The following KCTD3 variants were observed in gnomAD, a reference collection of about 807,000 sequenced individuals.
KCTD3 encodes the protein BTB/POZ domain-containing protein KCTD3.
In KCTD3, 41 loss-of-function variants were observed where a neutral mutation model predicts 85.8. The observed-to-expected ratio is 0.48, with a 90% CI of 0.37 to 0.62. The LOEUF (loss-of-function observed/expected upper bound fraction) is 0.62, where lower values mean the gene tolerates loss of function less well. KCTD3 is among the 20% of genes least tolerant of loss of function. The pLI is 0.00. For missense variants in KCTD3, 724 were observed against 989.9 expected (o/e 0.73, Z 3.60); for synonymous variants, 338 against 345.4 (o/e 0.98, Z 0.24).
chr1:215,567,786 G>C lies in KCTD3; in HGVS notation c.83+18G>C. 1 of 1,238,966 alleles carries C rather than the reference G, an allele frequency of 8.1e-7. No homozygotes were observed. Among genetic ancestry groups the C allele is most frequent in the South Asian group, 4.1e-5 (1 of 24,330 alleles). The allele number at this position is 1,238,966 out of a possible 1,614,324, so 76.7% of individuals were successfully genotyped here. A position where few individuals can be genotyped will look rare whatever the true frequency, so the allele number is the denominator to read the frequency against. On this transcript the variant is annotated intron_variant, in intron 1 of 17. Coordinates refer to ENST00000259154, the MANE Select transcript of KCTD3 (RefSeq NM_016121.5). ...GGGACCAGGTGAGTCGGCGGGTAGC[G>C]GGCTTGCAGCGGGGATGCCTTGGCG...
At chr1:215,576,202 G>A (rs1278414578) in intron 4 of KCTD3, among the ~76,000 whole-genome samples, 2 of 151,752 alleles carry the variant, frequency 1.3e-5, no homozygotes, top group African/African-American at 4.8e-5. Context: ...CCGAGTAGCT[G>A]GGACTGTAGG....
chr1:215,575,073 G>A (rs1558227967), intron 3 of KCTD3, among the ~76,000 whole-genome samples: 1 of 152,128 alleles, frequency 6.6e-6, no homozygotes, highest in Non-Finnish European at 1.5e-5. Flanking sequence ...CCAACATGGT[G>A]AAACCCCCTC....
intron 4 of KCTD3, 139 bp from the exon 5 acceptor site, chr1:215,577,531 A>T (rs941549698): frequency 1.0e-5 from 6 of 592,060 alleles, no homozygotes; most frequent in Non-Finnish European, 1.8e-5. Flanking sequence ...GGATAATAGA[A>T]ATAAAGAGTA....
chr1:215,592,643 A>T (rs939864138), intron 9 of KCTD3, among the ~76,000 whole-genome samples: 1 of 152,184 alleles, frequency 6.6e-6, no homozygotes, highest in Non-Finnish European at 1.5e-5. Context: ...TAGCTATGTT[A>T]TGAGCTGGTA....
intron 1 of KCTD3, among the ~76,000 whole-genome samples, chr1:215,568,151 G>A (rs866452740): frequency 3.9e-5 from 6 of 152,182 alleles, no homozygotes; most frequent in Non-Finnish European, 8.8e-5. Flanking sequence ...TGGTTTGGAT[G>A]TTGGAGATGA....
At chr1:215,612,213 T>C (rs1297892553) in intron 15 of KCTD3, among the ~76,000 whole-genome samples, 1 of 152,224 alleles carries the variant, frequency 6.6e-6, no homozygotes, top group Non-Finnish European at 1.5e-5. Context: ...ATTTTGTTAT[T>C]ATAAACAGTT....
chr1:215,619,657 GTCTAGT>G (rs1655588032), intron 17 of KCTD3, among the ~76,000 whole-genome samples: 1 of 152,020 alleles, frequency 6.6e-6, no homozygotes, highest in African/African-American at 2.4e-5. Flanking sequence ...CTATTATGTT[GTCTAGT>G]CTTACATTTA....
At position 215,567,574 on chromosome 1, in the gene KCTD3, C is replaced by A. The variant is rs911425174; in HGVS notation, c.-112C>A. On this transcript the variant is annotated 5_prime_UTR_variant, in exon 1 of 18. Transcript: ENST00000259154. ...CCCCGTGCACCCCCCGCCCTCCGGC[C>A]GCCGCCGCCCCGCTGGCCCTGCAGC... 5.5e-5 allele frequency: 29 copies of A among 526,786 alleles called. No individual in the cohort carries two copies. Among genetic ancestry groups the A allele is most frequent in the Admixed American group, 1.5e-4 (3 of 20,678 alleles). The allele number at this position is 526,786 out of a possible 1,614,324, so 32.6% of individuals were successfully genotyped here.
chr1:215,600,849 C>A (rs965626827), intron 10 of KCTD3, among the ~76,000 whole-genome samples: 1 of 152,084 alleles, frequency 6.6e-6, no homozygotes, highest in Non-Finnish European at 1.5e-5. Context: ...ACAGGCTTGT[C>A]TGGCCTGGCT....
At chr1:215,603,149 AT>A (rs796982797) in intron 12 of KCTD3, among the ~76,000 whole-genome samples, 3 of 150,456 alleles carry the variant, frequency 2.0e-5, no homozygotes, top group Non-Finnish European at 1.5e-5. Context: ...TGAGCTGTGG[AT>A]TTTTTTTTTA....
In KCTD3 at chr1:215,601,932, C is replaced by G; in HGVS notation, c.999C>G (p.Asn333Lys). ...GATCATTCCTTCTGCTTGGATGTAA[C>G]AATGGATCAATATATTACATAGGTA... ...TAGSFLLLGC[N>K]NGSIYYIDMQ... The change falls in exon 11 of 18, where the codon AAC becomes AAG. Residue 333 changes from asparagine to lysine, a missense_variant. Physicochemically the swap from Asn to Lys is moderately conservative, Grantham distance 94 (BLOSUM62 0). Around this residue, in one of 6 missense-constraint regions of KCTD3, gnomAD observed 146 missense variants for 320.3 expected, o/e 0.46. Transcript: ENST00000259154. 6.3e-7 allele frequency: 1 copy of G among 1,599,076 alleles called. No homozygotes were observed. Among genetic ancestry groups the G allele is most frequent in the Non-Finnish European group, 8.6e-7 (1 of 1,166,964 alleles).
At chr1:215,618,449 A>G (rs1655537879) in intron 15 of KCTD3, 1 of 162,962 alleles carries the variant, frequency 6.1e-6, no homozygotes, top group Non-Finnish European at 1.3e-5. Context: ...TTTCTTTTTT[A>G]ATAAACTCCC....
intron 10 of KCTD3, among the ~76,000 whole-genome samples, chr1:215,598,960 T>G (rs1342989022): frequency 6.6e-6 from 1 of 152,194 alleles, no homozygotes; most frequent in African/African-American, 2.4e-5. Flanking sequence ...TACCAAGTCT[T>G]GGCAGCCTGA....
chr1:215,570,016 A>G (rs1195705452), intron 1 of KCTD3, among the ~76,000 whole-genome samples: 1 of 152,204 alleles, frequency 6.6e-6, no homozygotes, highest in African/African-American at 2.4e-5. Flanking sequence ...CTCGTGCAGC[A>G]TTTTAGAGCT....
chr1:215,585,711 C>T (rs1027608749), intron 8 of KCTD3, among the ~76,000 whole-genome samples: 11 of 152,082 alleles, frequency 7.2e-5, no homozygotes, highest in East Asian at 1.9e-4. Flanking sequence ...TACATATAAT[C>T]GCATAGAAAA....
At chr1:215,587,534 C>T (rs1045081892) in intron 9 of KCTD3, among the ~76,000 whole-genome samples, 6 of 152,110 alleles carry the variant, frequency 3.9e-5, no homozygotes. Flanking sequence ...ACTTAAGTAA[C>T]ATTTTTAATG....
intron 14 of KCTD3, among the ~76,000 whole-genome samples, chr1:215,609,007 A>G (rs1655139178): frequency 6.6e-6 from 1 of 152,030 alleles, no homozygotes; most frequent in South Asian, 2.1e-4. Context: ...GTGAACATCA[A>G]CTTACAATGT....
rs560974936 is a variant in KCTD3, at chr1:215,597,547, CTG to C, written c.933+2082_933+2083del. Among the ~76,000 whole-genome samples the C allele has an allele frequency of 3.3e-3, 495 of 152,256 alleles. 5 individuals are homozygous for C. The highest frequency in any genetic ancestry group is 3.1e-3 in the Non-Finnish European group (210 of 68,008). ...TTACTTCCTAAAGAATCAGATAACT[CTG>C]TGTGTATTCTGAGAAATAAGAGATC... On this transcript the variant is annotated intron_variant, in intron 10 of 17. Coordinates refer to ENST00000259154, the MANE Select transcript of KCTD3 (RefSeq NM_016121.5).
At chr1:215,602,004 T>C in intron 11 of KCTD3, 50 bp downstream of exon 11, 1 of 1,415,194 alleles carries the variant, frequency 7.1e-7, no homozygotes, top group Non-Finnish European at 9.9e-7. Context: ...ATTTTTTAAA[T>C]GAGAACAAGA....
Sources: gnomAD v4.1 joint callset for allele counts (sites outside exome capture counted in the v4.1 genomes callset) on GRCh38, gnomAD v4.1.1 for gene constraint, gnomAD v4.1.1 regional missense constraint, MANE v1.5 for transcripts, NCBI Gene and HGNC (gene_info 2026-07-23, HGNC 2026-07-21) for gene names.